DMD: variants seen among roughly 807,000 people sequenced by gnomAD.
DMD encodes dystrophin.
Under a neutral mutation model 330.1 loss-of-function variants are expected in DMD, and 63 were observed. That is an observed-to-expected ratio of 0.19 (90% CI 0.16 to 0.24). DMD has a LOEUF of 0.24. Ranked by LOEUF, DMD falls within the 10% of genes least tolerant of loss-of-function variation. The probability of loss-of-function intolerance (pLI) is 1.00; values close to 1 mark genes in which losing one functional copy is unlikely to be tolerated. For synonymous variants in DMD, 1,223 were observed against 959.8 expected (o/e 1.27, Z -5.07); for missense variants, 3,344 against 2,684.1 (o/e 1.25, Z -5.43).
chrX:32,677,364 G>A (rs979270770), intron 9 of DMD, among the ~76,000 whole-genome samples: 2 of 111,209 alleles, frequency 1.8e-5, no homozygotes, highest in African/African-American at 3.3e-5. Context: ...GAAACTAACA[G>A]TATATTCACA....
intron 62 of DMD, among the ~76,000 whole-genome samples, chrX:31,294,796 T>G (rs990565292): frequency 2.7e-5 from 3 of 111,417 alleles, no homozygotes; most frequent in African/African-American, 9.8e-5. Flanking sequence ...AGGCAAGAAG[T>G]ATCTGGTTTA....
At chrX:31,156,585 T>C (rs112767804) in intron 74 of DMD, among the ~76,000 whole-genome samples, 1 of 111,779 alleles carries the variant, frequency 8.9e-6, no homozygotes, top group Non-Finnish European at 1.9e-5. Flanking sequence ...ACTTAAGCAC[T>C]AATTCAGTTA....
rs552389713 is a variant in DMD at position 32,256,482 on chromosome X, C to G, written c.6290+31047G>C. 3.2e-4 allele frequency among the ~76,000 whole-genome samples: 35 copies of G among 110,583 alleles called. No individual in the cohort carries two copies. The South Asian group carries it at 0.013, about 43-fold the overall frequency. The stretch of plus-strand genomic sequence containing the variant: ...CTTTATCCAATTTGCCAGTCTGTGT[C>G]TTTTAATTGGGGCATTTAGCCCATT... On this transcript the variant is annotated intron_variant, in intron 43 of 78. Coordinates refer to ENST00000357033, the MANE Select transcript of DMD (RefSeq NM_004006.3).
At chrX:31,303,228 CAT>C (rs1160287312) in intron 62 of DMD, among the ~76,000 whole-genome samples, 1 of 111,477 alleles carries the variant, frequency 9.0e-6, no homozygotes, top group Non-Finnish European at 1.9e-5. Flanking sequence ...ATCAGAATCT[CAT>C]TCACACTCAT....
Position 31,816,479 on chromosome X carries a change from A to AT in DMD, c.7309+3495dup, listed in dbSNP as rs2092627689. Among the ~76,000 whole-genome samples the AT allele has an allele frequency of 3.6e-5, 4 of 110,368 alleles. No homozygotes were observed. In the South Asian group the frequency reaches 1.2e-3, roughly 33 times the overall value. The stretch of plus-strand genomic sequence containing the variant: ...TAAGAAATTCAAATAGAGTGAACCA[A>AT]TTTTTTCTACTTCTTAAGTAGAAAA... On this transcript the variant is annotated intron_variant, in intron 50 of 78. Coordinates refer to ENST00000357033, the MANE Select transcript of DMD (RefSeq NM_004006.3).
intron 29 of DMD, among the ~76,000 whole-genome samples, chrX:32,434,190 T>G (rs954126066): frequency 8.9e-6 from 1 of 112,253 alleles, no homozygotes; most frequent in East Asian, 2.8e-4. Flanking sequence ...TAAGAAACAT[T>G]AGGTAGGTGA....
intron 44 of DMD, among the ~76,000 whole-genome samples, chrX:32,101,091 T>C (rs1423213221): frequency 1.8e-5 from 2 of 112,191 alleles, no homozygotes; most frequent in Non-Finnish European, 3.8e-5. Flanking sequence ...AAAATGTTCG[T>C]ATCAGAGTCT....
chrX:31,991,335 C>T (rs191889375), intron 44 of DMD, among the ~76,000 whole-genome samples: 13 of 110,770 alleles, frequency 1.2e-4, no homozygotes, highest in Admixed American at 6.8e-4. Flanking sequence ...AAAGACCAGA[C>T]CAGTGGCAAT....
At chrX:32,577,695 T>C (rs1256681981) in intron 13 of DMD, among the ~76,000 whole-genome samples, 1 of 112,109 alleles carries the variant, frequency 8.9e-6, no homozygotes, top group Non-Finnish European at 1.9e-5. Context: ...TTTAAAGGTT[T>C]CCAACACAAG....
intron 7 of DMD, among the ~76,000 whole-genome samples, chrX:32,742,584 A>C (rs2069432175): frequency 3.6e-5 from 4 of 111,986 alleles, no homozygotes; most frequent in Non-Finnish European, 5.6e-5. Flanking sequence ...CCCAAGCTAA[A>C]GCTCATCTGG....
chrX:32,201,478 C>CA (rs1400700137), intron 44 of DMD, among the ~76,000 whole-genome samples: 1 of 94,832 alleles, frequency 1.1e-5, no homozygotes, highest in Admixed American at 1.1e-4. Context: ...CACCCCCCCC[C>CA]CCCCCAACAA....
intron 43 of DMD, among the ~76,000 whole-genome samples, chrX:32,249,714 T>C (rs1242935891): frequency 8.9e-6 from 1 of 111,787 alleles, no homozygotes; most frequent in Non-Finnish European, 1.9e-5. Context: ...AATCTGGCTT[T>C]CTCCTGTCAA....
chrX:32,101,373 C>T (rs1199576914), intron 44 of DMD, among the ~76,000 whole-genome samples: 4 of 111,047 alleles, frequency 3.6e-5, no homozygotes, highest in Non-Finnish European at 5.7e-5. Flanking sequence ...CGAAGAAGCT[C>T]GGAAACCTCA....
intron 2 of DMD, among the ~76,000 whole-genome samples, chrX:32,864,154 G>C (rs1289043738): frequency 1.8e-5 from 2 of 110,659 alleles, no homozygotes; most frequent in Non-Finnish European, 3.8e-5. Context: ...TCATGTATCA[G>C]AAAGATGCGA....
At chrX:32,404,748 A>G (rs2098107846) in intron 30 of DMD, among the ~76,000 whole-genome samples, 1 of 111,890 alleles carries the variant, frequency 8.9e-6, no homozygotes, top group East Asian at 2.8e-4. Context: ...TTAAGTAGCT[A>G]TTTAAACATA....
At chrX:32,655,903 T>A (rs1012199784) in intron 9 of DMD, among the ~76,000 whole-genome samples, 2 of 111,564 alleles carry the variant, frequency 1.8e-5, no homozygotes, top group African/African-American at 6.5e-5. Flanking sequence ...ATGGCCTTCT[T>A]TGTCTCTTTT....
intron 60 of DMD, among the ~76,000 whole-genome samples, chrX:31,393,487 A>AC (rs1032517708): frequency 2.0e-5 from 2 of 99,794 alleles, no homozygotes; most frequent in African/African-American, 9.4e-5. Flanking sequence ...AAAAAAAAAA[A>AC]AAAACAAAAA....
At chrX:33,313,500 C>T (rs2053880934) in intron 1 of DMD, among the ~76,000 whole-genome samples, 1 of 111,237 alleles carries the variant, frequency 9.0e-6, no homozygotes, top group South Asian at 3.7e-4. Context: ...AGATGTACTG[C>T]AATTTTAAGC....
At chrX:32,731,070 G>A (rs986634520) in intron 7 of DMD, among the ~76,000 whole-genome samples, 17 of 111,908 alleles carry the variant, frequency 1.5e-4, no homozygotes, top group East Asian at 8.5e-4. Context: ...TGCGCGACCC[G>A]AAGCAGGGTG....
Sources: gnomAD v4.1 joint callset for allele counts (sites outside exome capture counted in the v4.1 genomes callset) on GRCh38, gnomAD v4.1.1 for gene constraint, MANE v1.5 for transcripts, NCBI Gene and HGNC (gene_info 2026-07-23, HGNC 2026-07-21) for gene names.